The following COL4A2 variants were observed in gnomAD, a reference collection of about 807,000 sequenced individuals.
COL4A2 encodes the protein collagen alpha-2(IV) chain.
A neutral mutation model predicts 200.2 loss-of-function variants in COL4A2; 99 were observed. The observed-to-expected ratio is 0.49, with a 90% CI of 0.42 to 0.58. The LOEUF (loss-of-function observed/expected upper bound fraction) is 0.58, where lower values mean the gene tolerates loss of function less well. COL4A2 is among the 20% of genes least tolerant of loss of function. COL4A2 has a pLI of 0.00. For missense variants in COL4A2, 1,950 were observed against 2,314.1 expected (o/e 0.84, Z 3.23); for synonymous variants, 897 against 900.6 (o/e 1.00, Z 0.07).
chr13:110,308,791 A>T (rs1198158355), intron 3 of COL4A2, among the ~76,000 whole-genome samples: 2 of 152,206 alleles, frequency 1.3e-5, no homozygotes, highest in Non-Finnish European at 2.9e-5. Context: ...TGGCGACTGC[A>T]CTGCGAGGCT....
At position 110,503,897 on chromosome 13, in the gene COL4A2, A is replaced by G; in HGVS notation, c.4189A>G (p.Ile1397Val). 1 of 1,613,196 alleles carries G rather than the reference A, an allele frequency of 6.2e-7. No homozygotes were observed. Among genetic ancestry groups the G allele is most frequent in the Non-Finnish European group, 8.5e-7 (1 of 1,179,558 alleles). ...CGGGATTGCAGGAATCCCCCAGAAG[A>G]TTGCCGTCCAACCAGGGACAGTGGG... Reference protein sequence around the residue: ...APGIAGIPQKIAVQPGTVGPQ... With the variant: ...APGIAGIPQKVAVQPGTVGPQ... Residue 1397 changes from isoleucine to valine, a missense_variant, in exon 44 of 48, where the codon ATT (isoleucine) becomes GTT (valine). Ile to Val is a conservative substitution (Grantham distance 29). Around this residue, in one of 2 missense-constraint regions of COL4A2, gnomAD observed 1,385 missense variants for 1,720.5 expected, o/e 0.80. Coordinates refer to ENST00000360467, the MANE Select transcript of COL4A2 (RefSeq NM_001846.4).
chr13:110,406,521 T>C (rs372277802), intron 4 of COL4A2, among the ~76,000 whole-genome samples: 1 of 152,182 alleles, frequency 6.6e-6, no homozygotes, highest in African/African-American at 2.4e-5. Context: ...AAAACTCAGG[T>C]CCATCCTAGA....
intron 4 of COL4A2, among the ~76,000 whole-genome samples, chr13:110,361,155 G>A (rs1877495280): frequency 1.3e-5 from 2 of 152,230 alleles, no homozygotes; most frequent in African/African-American, 2.4e-5. Context: ...TGCATCTACT[G>A]TATTAAAACA....
At position 110,492,166 on chromosome 13, in the gene COL4A2, C is replaced by G; in HGVS notation, c.3551C>G (p.Pro1184Arg). Residue 1184 changes from proline (P) to arginine (R), a missense_variant, in exon 38 of 48, where the codon CCG (proline) becomes CGG (arginine). This residue lies in a region of COL4A2 where 1,385 missense variants were observed against 1,720.5 expected (regional missense o/e 0.80). Transcript: ENST00000360467. Reference protein sequence around the residue: ...GKGDDGWPGAPGLPGFPGLRG... With the variant: ...GKGDDGWPGARGLPGFPGLRG... Reference sequence around the variant, plus strand: ...GGAGATGATGGCTGGCCGGGAGCTCCGGGCTTACCAGGTAAGGTCACGTAA... The same window carrying G: ...GGAGATGATGGCTGGCCGGGAGCTCGGGGCTTACCAGGTAAGGTCACGTAA... 3 of 1,552,340 alleles carry G rather than the reference C, an allele frequency of 1.9e-6. No individual in the cohort carries two copies. The highest frequency in any genetic ancestry group is 2.6e-6 in the Non-Finnish European group (3 of 1,147,242).
chr13:110,339,884 C>A (rs1057498313), intron 3 of COL4A2, among the ~76,000 whole-genome samples: 1 of 152,210 alleles, frequency 6.6e-6, no homozygotes, highest in African/African-American at 2.4e-5. Flanking sequence ...CAATGGCACT[C>A]CATGAAGCTG....
chr13:110,374,341 C>T (rs1243317726), intron 4 of COL4A2, among the ~76,000 whole-genome samples: 1 of 152,158 alleles, frequency 6.6e-6, no homozygotes, highest in Non-Finnish European at 1.5e-5. Context: ...AGATCTGGAG[C>T]CAACACTTAA....
chr13:110,327,609 G>A (rs752318741), intron 3 of COL4A2, among the ~76,000 whole-genome samples: 1 of 152,224 alleles, frequency 6.6e-6, no homozygotes, highest in Admixed American at 6.5e-5. Context: ...TGGGGGTGGG[G>A]TGTTGGGTTG....
chr13:110,369,491 A>C (rs935176824), intron 4 of COL4A2, among the ~76,000 whole-genome samples: 2 of 152,156 alleles, frequency 1.3e-5, no homozygotes, highest in African/African-American at 4.8e-5. Flanking sequence ...AGGAGCACTC[A>C]CCCTCTGATG....
chr13:110,395,726 C>T (rs905809672), intron 4 of COL4A2, among the ~76,000 whole-genome samples: 1 of 152,158 alleles, frequency 6.6e-6, no homozygotes, highest in East Asian at 1.9e-4. Context: ...GGGCGGGTAA[C>T]TTGAGGTCAG....
chr13:110,423,447 G>C (rs1880339238), intron 4 of COL4A2, among the ~76,000 whole-genome samples: 3 of 152,160 alleles, frequency 2.0e-5, no homozygotes, highest in Admixed American at 6.5e-5. Flanking sequence ...GGGTGGGTCG[G>C]GGGGAGGGAG....
chr13:110,484,776 G>C, intron 32 of COL4A2, 129 bp from the exon 33 acceptor site: 15 of 1,327,598 alleles, frequency 1.1e-5, no homozygotes, highest in Non-Finnish European at 1.5e-5. Context: ...CGGCGCCCTT[G>C]GTCTCTCTCC....
intron 4 of COL4A2, among the ~76,000 whole-genome samples, chr13:110,361,553 T>C (rs1397817903): frequency 6.6e-6 from 1 of 152,152 alleles, no homozygotes; most frequent in Non-Finnish European, 1.5e-5. Flanking sequence ...ACAGCCAACA[T>C]CGGAAGTTGT....
At position 110,491,804 on chromosome 13, in the gene COL4A2, G is replaced by A. The variant is rs565034733; in HGVS notation, c.3455-266G>A. ...CACTGCCTCAGGGTCCTCTCCAGAC[G>A]TCTATTTGGATAATAGGGCGACAAT... On this transcript the variant is annotated intron_variant, in intron 37 of 47. Coordinates refer to ENST00000360467, the MANE Select transcript of COL4A2 (RefSeq NM_001846.4). 4.7e-4 allele frequency among the ~76,000 whole-genome samples: 72 copies of A among 152,270 alleles called. No individual in the cohort carries two copies. In the Middle Eastern group the frequency reaches 0.01, roughly 22 times the overall value.
chr13:110,438,105 A>G, intron 14 of COL4A2, 68 bp downstream of exon 14: 2 of 1,362,122 alleles, frequency 1.5e-6, no homozygotes, highest in Admixed American at 1.8e-5. Context: ...GCCAGGCATG[A>G]CGGGGTGCAC....
intron 4 of COL4A2, among the ~76,000 whole-genome samples, chr13:110,400,465 A>G (rs1445415864): frequency 6.6e-6 from 1 of 152,216 alleles, no homozygotes; most frequent in Non-Finnish European, 1.5e-5. Context: ...ATAGGTATTC[A>G]AACACGTATT....
chr13:110,357,381 T>A, intron 3 of COL4A2, 91 bp from the exon 4 acceptor site: 1 of 1,502,848 alleles, frequency 6.7e-7, no homozygotes, highest in Non-Finnish European at 9.0e-7. Flanking sequence ...TTTCTAGAGT[T>A]GGAAGGATTC....
At chr13:110,405,706 A>G (rs1236897857) in intron 4 of COL4A2, among the ~76,000 whole-genome samples, 1 of 152,168 alleles carries the variant, frequency 6.6e-6, no homozygotes, top group African/African-American at 2.4e-5. Flanking sequence ...TGAGCAATTT[A>G]TATACTATTT....
intron 3 of COL4A2, among the ~76,000 whole-genome samples, chr13:110,338,701 C>T (rs11619583): frequency 0.49 from 74,909 of 152,054 alleles, 19,158 homozygotes; most frequent in South Asian, 0.71. Flanking sequence ...TTTTCCTGAG[C>T]TGCTAGCCTG....
In COL4A2 at chr13:110,424,964, C is replaced by A. The variant is rs1880414047; in HGVS notation, c.327C>A (p.Gly109=). 1 of 1,614,054 alleles carries A rather than the reference C, an allele frequency of 6.2e-7. No individual in the cohort carries two copies. The highest frequency in any genetic ancestry group is 1.3e-5 in the African/African-American group (1 of 74,922). ...TGPKGDVGAR[G]VSGFPGADGI... is the part of the protein sequence containing the mutation. ...TGCTTTCTTCATAGGGAGCAAGAGG[C>A]GTTTCTGGATTCCCTGGTGCCGATG... The change falls in exon 6 of 48, where the codon GGC becomes GGA. Residue 109 remains glycine (G), a synonymous_variant. Transcript: ENST00000360467.
Sources: allele counts gnomAD v4.1 joint callset (sites outside exome capture counted in the v4.1 genomes callset), GRCh38; gene constraint gnomAD v4.1.1; regional missense constraint gnomAD v4.1.1; transcripts MANE v1.5; gene names NCBI Gene and HGNC (gene_info 2026-07-23, HGNC 2026-07-21).